MAGEC3: variants seen among roughly 807,000 people sequenced by gnomAD.
MAGEC3 encodes melanoma-associated antigen C3.
A neutral mutation model predicts 35.3 loss-of-function variants in MAGEC3; 34 were observed. The observed-to-expected ratio is 0.96, with a 90% CI of 0.73 to 1.28. MAGEC3 has a LOEUF of 1.28. Among genes scored for constraint, MAGEC3 ranks in the 50% most tolerant of loss-of-function variants. The pLI, the probability that MAGEC3 is intolerant of heterozygous loss-of-function variation, is 0.00. For synonymous variants in MAGEC3, 202 were observed against 185.6 expected, an observed-to-expected ratio of 1.09 and a Z score of -0.72; for missense variants, 561 against 483.6, an observed-to-expected ratio of 1.16 and a Z score of -1.50.
chrX:141,882,363 A>G (rs2017972983), intron 4 of MAGEC3, among the ~76,000 whole-genome samples: 1 of 112,235 alleles, frequency 8.9e-6, no homozygotes, highest in African/African-American at 3.2e-5. Context: ...TTTTATAAAT[A>G]TTAGTCACAC....
chrX:141,839,386 T>G, intron 1 of MAGEC3: 1 of 725,739 alleles, frequency 1.4e-6, no homozygotes. Context: ...TTTTAAATAT[T>G]TTATGTAATT....
intron 1 of MAGEC3, among the ~76,000 whole-genome samples, chrX:141,850,580 T>C (rs966544885): frequency 9.0e-6 from 1 of 110,939 alleles, no homozygotes; most frequent in African/African-American, 3.3e-5. Context: ...CCACACATTA[T>C]GGAGGGTAAT....
rs201668830 is a variant in MAGEC3, at chrX:141,865,843, CAA to C, written c.258+240_258+241del. ...TTAAGGTGAGAATGCAGAGAAAGGACAAAGATAGCCTTCCTCTATAGATGGAC... is the reference window on the plus strand; with the variant it reads ...TTAAGGTGAGAATGCAGAGAAAGGACAGATAGCCTTCCTCTATAGATGGAC... On this transcript the variant is annotated intron_variant, in intron 2 of 7. Coordinates refer to ENST00000298296, the MANE Select transcript of MAGEC3 (RefSeq NM_138702.1). Among the ~76,000 whole-genome samples, 933 of 111,860 alleles carry C rather than the reference CAA, an allele frequency of 8.3e-3. 8 individuals carry two copies. Among genetic ancestry groups the C allele is most frequent in the African/African-American group, 0.029 (888 of 30,769 alleles).
At chrX:141,880,664 C>T (rs923743066) in intron 3 of MAGEC3, 2 of 428,991 alleles carry the variant, frequency 4.7e-6, no homozygotes, top group East Asian at 5.2e-5. Context: ...GCAGACCTGG[C>T]AGCACCTGGC....
Position 141,881,602 on chromosome X carries a change from A to G in MAGEC3, c.715A>G (p.Ile239Val). The change falls in exon 4 of 8, where the codon ATT becomes GTT. Residue 239 changes from isoleucine to valine, a missense_variant. Ile to Val is a conservative substitution (Grantham distance 29). Transcript: ENST00000298296. ...TGAGTTCATAGAGATTCTTTTTGGCATTTCCCTGACAGAAGTGGACCCCGA... is the reference window on the plus strand; with the variant it reads ...TGAGTTCATAGAGATTCTTTTTGGCGTTTCCCTGACAGAAGTGGACCCCGA... ...AREFIEILFG[I>V]SLTEVDPDHF... The G allele has an allele frequency of 1.7e-6, 2 of 1,211,113 alleles. No individual in the cohort carries two copies. Among genetic ancestry groups the G allele is most frequent in the Non-Finnish European group, 2.2e-6 (2 of 895,224 alleles).
chrX:141,893,454 A>ATACTTGTGAT (rs2124127471), intron 4 of MAGEC3, among the ~76,000 whole-genome samples: 1 of 110,657 alleles, frequency 9.0e-6, no homozygotes, highest in South Asian at 3.9e-4. Flanking sequence ...AAAATGGTGT[A>ATACTTGTGAT]ACAAGTCTGT....
chrX:141,890,458 C>T (rs1041454406), intron 4 of MAGEC3, among the ~76,000 whole-genome samples: 1 of 109,095 alleles, frequency 9.2e-6, no homozygotes, highest in African/African-American at 3.5e-5. Flanking sequence ...CTGCCCGCCG[C>T]AGTCTCCCAA....
At chrX:141,877,886 C>A (rs757814436) in intron 2 of MAGEC3, among the ~76,000 whole-genome samples, 1 of 112,021 alleles carries the variant, frequency 8.9e-6, no homozygotes, top group Admixed American at 9.5e-5. Context: ...TAACACCTTA[C>A]CTTGGTAAGG....
chrX:141,843,490 A>C (rs1186625845), intron 1 of MAGEC3, among the ~76,000 whole-genome samples: 1 of 111,736 alleles, frequency 8.9e-6, no homozygotes, highest in Non-Finnish European at 1.9e-5. Flanking sequence ...AATTATAGCA[A>C]CCTTGAGCTG....
chrX:141,858,780 G>A (rs2017797145), intron 1 of MAGEC3, among the ~76,000 whole-genome samples: 1 of 110,725 alleles, frequency 9.0e-6, no homozygotes, highest in African/African-American at 3.3e-5. Context: ...TATATAGTGT[G>A]TGTATGTTTG....
At chrX:141,850,022 A>G (rs749998348) in intron 1 of MAGEC3, among the ~76,000 whole-genome samples, 1 of 111,683 alleles carries the variant, frequency 9.0e-6, no homozygotes, top group South Asian at 3.7e-4. Context: ...GTACATGTAC[A>G]TCATGGAATA....
intron 1 of MAGEC3, among the ~76,000 whole-genome samples, chrX:141,848,500 T>A (rs763156144): frequency 1.0e-4 from 11 of 109,759 alleles, no homozygotes; most frequent in Admixed American, 5.8e-4. Context: ...AGGCTGAGAG[T>A]CAAACGAAGA....
Position 141,879,445 on chromosome X carries a change from T to TA in MAGEC3, c.515+15dup. On this transcript the variant is annotated intron_variant, in intron 3 of 7. Transcript: ENST00000298296. ...GAAAGCGGGGAGGTGGGCAGGGAAA[T>TA]ATGGACGAGGGCTTTGAAGTGAGGA... 7 of 1,157,236 alleles carry TA rather than the reference T, an allele frequency of 6.0e-6. No homozygotes were observed. Among genetic ancestry groups the TA allele is most frequent in the Non-Finnish European group, 8.1e-6 (7 of 866,912 alleles).
At chrX:141,847,241 A>T (rs11795728) in intron 1 of MAGEC3, among the ~76,000 whole-genome samples, 3 of 109,315 alleles carry the variant, frequency 2.7e-5, no homozygotes, top group African/African-American at 9.9e-5. Context: ...ACCCTCTTTC[A>T]CGTTATTCAA....
At position 141,855,885 on chromosome X, in the gene MAGEC3, A is replaced by G. The variant is rs367869099; in HGVS notation, c.124-9586A>G. Among the ~76,000 whole-genome samples, 19 of 111,786 alleles carry G rather than the reference A, an allele frequency of 1.7e-4. No individual in the cohort carries two copies. In the East Asian group the frequency reaches 2.5e-3, roughly 15 times the overall value. ...CAGTAAGCATATTTGAAATAGAACTACAGGAGAAATTGAAAGAAACAAAAA... is the reference window on the plus strand; with the variant it reads ...CAGTAAGCATATTTGAAATAGAACTGCAGGAGAAATTGAAAGAAACAAAAA... On this transcript the variant is annotated intron_variant, in intron 1 of 7. Coordinates refer to ENST00000298296, the MANE Select transcript of MAGEC3 (RefSeq NM_138702.1).
In MAGEC3 at chrX:141,871,100, A is replaced by G. The variant is rs778845430; in HGVS notation, c.258+5495A>G. Among the ~76,000 whole-genome samples, 25 of 112,275 alleles carry G rather than the reference A, an allele frequency of 2.2e-4. No individual in the cohort carries two copies. The South Asian group carries it at 8.1e-3, about 36-fold the overall frequency. ...TATTTTTCTTAGGCCAATTAATTAA[A>G]GCTTTTTTTAAATAGACATTGCACA... On this transcript the variant is annotated intron_variant, in intron 2 of 7. Coordinates refer to ENST00000298296, the MANE Select transcript of MAGEC3 (RefSeq NM_138702.1).
intron 2 of MAGEC3, among the ~76,000 whole-genome samples, chrX:141,870,983 A>C (rs2017883728): frequency 8.9e-6 from 1 of 112,403 alleles, no homozygotes; most frequent in African/African-American, 3.2e-5. Context: ...AATAATTCCT[A>C]AGACTGTTTT....
intron 2 of MAGEC3, among the ~76,000 whole-genome samples, chrX:141,867,356 G>T (rs950700003): frequency 9.0e-6 from 1 of 111,518 alleles, no homozygotes; most frequent in Admixed American, 9.5e-5. Flanking sequence ...ACTAAGAGAA[G>T]TTAAAAGCAG....
chrX:141,857,913 G>A (rs1174320203), intron 1 of MAGEC3, among the ~76,000 whole-genome samples: 2 of 110,909 alleles, frequency 1.8e-5, no homozygotes, highest in East Asian at 5.7e-4. Flanking sequence ...TGAGCACCTC[G>A]AACAGAGTCT....
Sources: allele counts gnomAD v4.1 joint callset (sites outside exome capture counted in the v4.1 genomes callset), GRCh38; gene constraint gnomAD v4.1.1; transcripts MANE v1.5; gene names NCBI Gene and HGNC (gene_info 2026-07-23, HGNC 2026-07-21).